GABRA3: variants seen among roughly 807,000 people sequenced by gnomAD.
The protein encoded by GABRA3 is gamma-aminobutyric acid type A receptor subunit alpha3, also known as gamma-aminobutyric acid receptor subunit alpha-3.
GABRA3 carries 10 observed loss-of-function variants against 30.1 expected under a neutral mutation model. The observed-to-expected ratio is 0.33, with a 90% CI of 0.20 to 0.56. The LOEUF is 0.56. Among genes scored for constraint, GABRA3 ranks in the 20% least tolerant of loss-of-function variants. The pLI, the probability that GABRA3 is intolerant of heterozygous loss-of-function variation, is 0.89. For missense variants in GABRA3, 233 were observed against 392.0 expected (o/e 0.59, Z 3.42); for synonymous variants, 151 against 146.8 (o/e 1.03, Z -0.21).
chrX:152,202,519 A>G (rs1242402767), intron 7 of GABRA3, among the ~76,000 whole-genome samples: 2 of 111,832 alleles, frequency 1.8e-5, no homozygotes, highest in Admixed American at 9.5e-5. Context: ...GTGTATATAT[A>G]CACAGTTTGA....
intron 9 of GABRA3, among the ~76,000 whole-genome samples, chrX:152,174,394 T>C (rs1453219368): frequency 8.9e-6 from 1 of 112,204 alleles, no homozygotes; most frequent in Non-Finnish European, 1.9e-5. Context: ...TGAACTAGTT[T>C]ATAGTCCCAC....
In GABRA3 at chrX:152,268,155, C is replaced by CCCACAGATT. The variant is rs1234908617; in HGVS notation, c.331-12166_331-12158dup. On this transcript the variant is annotated intron_variant, in intron 4 of 9. Coordinates refer to ENST00000370314, the MANE Select transcript of GABRA3 (RefSeq NM_000808.4). ...ACTCTTAGTACTGCTTTTACTGTAT[C>CCCACAGATT]CCACAGATTTTTTTTATGTTGTATT... 3.6e-5 allele frequency among the ~76,000 whole-genome samples: 4 copies of CCCACAGATT among 109,828 alleles called. No individual in the cohort carries two copies. In the East Asian group the frequency reaches 1.1e-3, roughly 31 times the overall value.
intron 1 of GABRA3, among the ~76,000 whole-genome samples, chrX:152,389,775 C>T (rs1281551048): frequency 9.0e-6 from 1 of 110,853 alleles, no homozygotes; most frequent in Admixed American, 9.7e-5. Context: ...ACCTCAGTGC[C>T]GGACCTAAAA....
intron 3 of GABRA3, among the ~76,000 whole-genome samples, chrX:152,328,261 A>G (rs1355573481): frequency 8.9e-6 from 1 of 111,872 alleles, no homozygotes. Context: ...GCCAAATTCT[A>G]GCAGAGGTAC....
intron 1 of GABRA3, among the ~76,000 whole-genome samples, chrX:152,367,416 T>G (rs1424781380): frequency 1.8e-5 from 2 of 111,648 alleles, no homozygotes; most frequent in Non-Finnish European, 3.8e-5. Context: ...CATTATAATA[T>G]GTAATTGCAT....
intron 5 of GABRA3, among the ~76,000 whole-genome samples, chrX:152,255,476 T>A (rs1938621718): frequency 8.9e-6 from 1 of 111,806 alleles, no homozygotes; most frequent in African/African-American, 3.3e-5. Context: ...TGTCCTTGAA[T>A]ACATTATGTC....
At chrX:152,311,464 C>T (rs913602594) in intron 3 of GABRA3, among the ~76,000 whole-genome samples, 1 of 112,178 alleles carries the variant, frequency 8.9e-6, no homozygotes, top group Non-Finnish European at 1.9e-5. Flanking sequence ...ACATGATCAT[C>T]CCAATAGGCA....
At position 152,291,510 on chromosome X, in the gene GABRA3, T is replaced by C. The variant is rs1384154759; in HGVS notation, c.263-6775A>G. Among the ~76,000 whole-genome samples, 3 of 111,806 alleles carry C rather than the reference T, an allele frequency of 2.7e-5. 1 individual carries two copies. Among genetic ancestry groups the C allele is most frequent in the African/African-American group, 9.8e-5 (3 of 30,742 alleles). On this transcript the variant is annotated intron_variant, in intron 3 of 9. Transcript: ENST00000370314. ...TAATTGAATACCCTTTATTTATTTC[T>C]CTTGCATGATTGCCCTGGCCAGAAC...
intron 5 of GABRA3, among the ~76,000 whole-genome samples, chrX:152,239,359 T>C (rs867014378): frequency 5.7e-5 from 6 of 106,151 alleles, no homozygotes; most frequent in Non-Finnish European, 9.6e-5. Flanking sequence ...GTCTGAGAGA[T>C]AGTTTGTTAT....
chrX:152,341,493 T>G (rs1367568016), intron 3 of GABRA3, among the ~76,000 whole-genome samples: 1 of 110,627 alleles, frequency 9.0e-6, no homozygotes, highest in Non-Finnish European at 1.9e-5. Flanking sequence ...ATATGCCCAC[T>G]AGCAGTGTAT....
intron 5 of GABRA3, among the ~76,000 whole-genome samples, chrX:152,225,711 T>G (rs1937938124): frequency 9.1e-6 from 1 of 109,478 alleles, no homozygotes; most frequent in Admixed American, 9.8e-5. Context: ...AAGGCTTAAC[T>G]TTCCTCGGGT....
At chrX:152,441,272 G>T (rs1004137091) in intron 1 of GABRA3, among the ~76,000 whole-genome samples, 15 of 110,938 alleles carry the variant, frequency 1.4e-4, no homozygotes, top group Admixed American at 6.7e-4. Flanking sequence ...AAATAAAGTT[G>T]CCTGGGACTA....
At chrX:152,197,604 T>C in intron 8 of GABRA3, 29 bp downstream of exon 8, 1 of 1,162,820 alleles carries the variant, frequency 8.6e-7, no homozygotes, top group South Asian at 2.0e-5. Context: ...GATAAGACTT[T>C]CCCCTACGCT....
At chrX:152,424,959 G>T (rs1301586896) in intron 1 of GABRA3, among the ~76,000 whole-genome samples, 2 of 80,380 alleles carry the variant, frequency 2.5e-5, no homozygotes, top group Admixed American at 3.2e-4. Flanking sequence ...TTTTTACAGG[G>T]TGTCATTCTG....
At position 152,167,887 on chromosome X, in the gene GABRA3, C is replaced by T; in HGVS notation, c.*341G>A. The T allele has an allele frequency of 4.5e-6, 1 of 221,462 alleles. No individual in the cohort carries two copies. Among genetic ancestry groups the T allele is most frequent in the Non-Finnish European group, 8.1e-6 (1 of 122,908 alleles). The allele number at this position is 221,462 out of a possible 1,213,427, so 18.3% of individuals were successfully genotyped here. ...GGGCCTCTCAAACAGCCAAGGCTTC[C>T]ACTATGGAGAGTAGAATCTCTTGTT... is the stretch of plus-strand genomic sequence containing the variant. On this transcript the variant is annotated 3_prime_UTR_variant, in exon 10 of 10. Coordinates refer to ENST00000370314, the MANE Select transcript of GABRA3 (RefSeq NM_000808.4).
At chrX:152,442,472 T>A (rs1161932231) in intron 1 of GABRA3, among the ~76,000 whole-genome samples, 3 of 109,626 alleles carry the variant, frequency 2.7e-5, no homozygotes, top group Non-Finnish European at 5.8e-5. Flanking sequence ...GAAGTTAAAA[T>A]CATAAATACT....
intron 1 of GABRA3, among the ~76,000 whole-genome samples, chrX:152,404,496 G>T (rs1435687927): frequency 9.1e-6 from 1 of 110,466 alleles, no homozygotes; most frequent in Non-Finnish European, 1.9e-5. Context: ...ATCCCAGAAA[G>T]ACAGAAAACT....
chrX:152,393,837 C>T (rs1400505239), intron 1 of GABRA3, among the ~76,000 whole-genome samples: 3 of 111,472 alleles, frequency 2.7e-5, no homozygotes, highest in Non-Finnish European at 5.7e-5. Context: ...TAGCAGAAAA[C>T]GATAGTGCAG....
intron 7 of GABRA3, among the ~76,000 whole-genome samples, chrX:152,199,192 C>T (rs1488348612): frequency 9.2e-6 from 1 of 108,858 alleles, no homozygotes; most frequent in African/African-American, 3.3e-5. Flanking sequence ...TGGTGAAACC[C>T]CATCTCTACT....
Sources: allele counts gnomAD v4.1 joint callset (sites outside exome capture counted in the v4.1 genomes callset), GRCh38; gene constraint gnomAD v4.1.1; transcripts MANE v1.5; gene names NCBI Gene and HGNC (gene_info 2026-07-23, HGNC 2026-07-21).